Variants in THSD7B observed in about 807,000 individuals in gnomAD.
The protein encoded by THSD7B is thrombospondin type-1 domain-containing protein 7B.
A neutral mutation model predicts 213.6 loss-of-function variants in THSD7B; 138 were observed. The observed-to-expected ratio is 0.65, with a 90% confidence interval of 0.56 to 0.74. The LOEUF is 0.74. Among genes scored for constraint, THSD7B ranks in the 30% least tolerant of loss-of-function variants. The pLI is 0.00. For missense variants in THSD7B, 1,931 were observed against 1,991.5 expected (o/e 0.97, Z 0.58); for synonymous variants, 742 against 687.0 (o/e 1.08, Z -1.25).
chr2:137,479,987 G>A lies in THSD7B; in HGVS notation c.3138+28964G>A, dbSNP rs557009011. Among the ~76,000 whole-genome samples the A allele has an allele frequency of 7.9e-4, 121 of 152,292 alleles. 1 individual carries two copies. The highest frequency in any genetic ancestry group is 6.8e-3 in the South Asian group (33 of 4,828). ...CTAGGATTGCAGGAGTTCACAGTGG[G>A]AATGTGGACTTCTTGGGTCTTTCAT... On this transcript the variant is annotated intron_variant, in intron 15 of 27. Transcript: ENST00000409968.
chr2:137,662,013 G>A (rs994499145), intron 25 of THSD7B, among the ~76,000 whole-genome samples: 2 of 151,316 alleles, frequency 1.3e-5, no homozygotes, highest in African/African-American at 4.8e-5. Flanking sequence ...CAGCTCCTGA[G>A]ATTTTATTAG....
intron 17 of THSD7B, among the ~76,000 whole-genome samples, chr2:137,576,135 T>G (rs1046494538): frequency 6.6e-6 from 1 of 152,160 alleles, no homozygotes; most frequent in African/African-American, 2.4e-5. Flanking sequence ...CCTTCATTTA[T>G]GCTACCAATC....
At chr2:137,491,353 T>C (rs1031539782) in intron 15 of THSD7B, among the ~76,000 whole-genome samples, 3 of 152,236 alleles carry the variant, frequency 2.0e-5, no homozygotes, top group African/African-American at 7.2e-5. Context: ...TCAGGAATTA[T>C]AGGTGTGGCC....
At chr2:136,850,353 T>G (rs760216565) in intron 1 of THSD7B, among the ~76,000 whole-genome samples, 4 of 152,098 alleles carry the variant, frequency 2.6e-5, no homozygotes, top group Non-Finnish European at 5.9e-5. Context: ...TTTTGTATAT[T>G]TTTCTCTTTG....
intron 15 of THSD7B, among the ~76,000 whole-genome samples, chr2:137,537,938 A>G (rs144657231): frequency 2.2e-4 from 33 of 151,832 alleles, no homozygotes; most frequent in Non-Finnish European, 2.4e-4. Flanking sequence ...TATCACTCAC[A>G]TAAGTTCAAA....
intron 7 of THSD7B, among the ~76,000 whole-genome samples, chr2:137,227,668 T>C (rs1240993798): frequency 5.3e-5 from 8 of 152,178 alleles, no homozygotes; most frequent in Non-Finnish European, 1.2e-4. Context: ...CTCAAGTGCT[T>C]TATTTTTGGC....
At chr2:136,899,265 T>C (rs769097986) in intron 2 of THSD7B, among the ~76,000 whole-genome samples, 8 of 152,164 alleles carry the variant, frequency 5.3e-5, no homozygotes, top group Non-Finnish European at 1.2e-4. Context: ...TCCCAACCCC[T>C]GGGGGTTAAA....
At chr2:137,457,140 T>G (rs1323388874) in intron 15 of THSD7B, among the ~76,000 whole-genome samples, 1 of 152,228 alleles carries the variant, frequency 6.6e-6, no homozygotes. Flanking sequence ...TGTAGATCAT[T>G]GCAAAGTACT....
rs912339150 is a variant in THSD7B at position 137,267,423 on chromosome 2, G to T, written c.2267-5110G>T. Among the ~76,000 whole-genome samples the T allele has an allele frequency of 5.3e-5, 8 of 152,204 alleles. No individual in the cohort carries two copies. In the South Asian group the frequency reaches 1.7e-3, roughly 32 times the overall value. On this transcript the variant is annotated intron_variant, in intron 10 of 27. Coordinates refer to ENST00000409968, the MANE Select transcript of THSD7B (RefSeq NM_001316349.2). Reference sequence around the variant, plus strand: ...TTTTAACACTGAAATCTGTAAGCGAGTGCTATTGAAAAATTGCTTAGAAGG... The same window carrying T: ...TTTTAACACTGAAATCTGTAAGCGATTGCTATTGAAAAATTGCTTAGAAGG...
At chr2:137,674,091 G>A (rs1022544228) in intron 27 of THSD7B, among the ~76,000 whole-genome samples, 5 of 152,252 alleles carry the variant, frequency 3.3e-5, no homozygotes, top group South Asian at 2.1e-4. Context: ...CCAAGTTGAC[G>A]TGTCTCCCAG....
intron 7 of THSD7B, among the ~76,000 whole-genome samples, chr2:137,200,187 G>T (rs10173632): frequency 0.83 from 126,822 of 152,092 alleles, 53,815 homozygotes; most frequent in Middle Eastern, 0.94. Flanking sequence ...ATTATTCAAG[G>T]GCATAGGAGT....
chr2:137,444,320 AAC>A (rs959792938), intron 14 of THSD7B, among the ~76,000 whole-genome samples: 3 of 152,030 alleles, frequency 2.0e-5, no homozygotes, highest in Admixed American at 6.6e-5. Flanking sequence ...GTAAGCGTTT[AAC>A]ACTGTCAGTT....
At chr2:136,945,525 A>G (rs983440025) in intron 2 of THSD7B, among the ~76,000 whole-genome samples, 1 of 152,138 alleles carries the variant, frequency 6.6e-6, no homozygotes, top group African/African-American at 2.4e-5. Flanking sequence ...CTGCCTGTCT[A>G]GGTTGGGAAA....
intron 15 of THSD7B, among the ~76,000 whole-genome samples, chr2:137,498,335 C>CTT (rs10535733): frequency 6.8e-6 from 1 of 146,540 alleles, no homozygotes; most frequent in African/African-American, 2.5e-5. Flanking sequence ...ACAGTAAAGT[C>CTT]TTTTTTTTTT....
chr2:137,620,462 C>T, intron 19 of THSD7B, 147 bp from the exon 20 acceptor site: 23 of 568,378 alleles, frequency 4.0e-5, no homozygotes, highest in South Asian at 1.3e-4. Context: ...TGATTGTCAC[C>T]AATTTATATA....
At chr2:137,452,481 C>A (rs1687670331) in intron 15 of THSD7B, among the ~76,000 whole-genome samples, 1 of 152,020 alleles carries the variant, frequency 6.6e-6, no homozygotes, top group Admixed American at 6.6e-5. Context: ...GACTATTTGC[C>A]CATCCCTGGG....
intron 2 of THSD7B, among the ~76,000 whole-genome samples, chr2:137,050,403 A>G (rs1687047161): frequency 6.6e-6 from 1 of 152,202 alleles, no homozygotes; most frequent in Non-Finnish European, 1.5e-5. Context: ...AATAATTTGT[A>G]ATCAAAAGTA....
intron 17 of THSD7B, among the ~76,000 whole-genome samples, chr2:137,575,902 A>T (rs868854181): frequency 1.7e-4 from 26 of 152,014 alleles, no homozygotes; most frequent in African/African-American, 5.3e-4. Flanking sequence ...ACACATACAA[A>T]TATACAGACA....
chr2:137,382,918 T>C (rs1685808983), intron 12 of THSD7B, among the ~76,000 whole-genome samples: 1 of 152,174 alleles, frequency 6.6e-6, no homozygotes, highest in African/African-American at 2.4e-5. Context: ...CCTGGACTTC[T>C]GTTGAAGTCC....
Sources: gnomAD v4.1 joint callset for allele counts (sites outside exome capture counted in the v4.1 genomes callset) on GRCh38, gnomAD v4.1.1 for gene constraint, MANE v1.5 for transcripts, NCBI Gene and HGNC (gene_info 2026-07-23, HGNC 2026-07-21) for gene names.